Variants in MLLT3 observed in about 807,000 individuals in gnomAD.
The protein encoded by MLLT3 is MLLT3 super elongation complex subunit.
MLLT3 carries 4 observed loss-of-function variants against 53.2 expected under a neutral mutation model. The observed-to-expected ratio is 0.08, with a 90% CI of 0.04 to 0.17. The LOEUF is 0.17. MLLT3 is among the 10% of genes least tolerant of loss of function. The pLI is 1.00. For missense variants in MLLT3, 569 were observed against 684.0 expected (o/e 0.83, Z 1.87); for synonymous variants, 283 against 230.6 (o/e 1.23, Z -2.06).
chr9:20,450,849 G>A (rs993743028), intron 3 of MLLT3, among the ~76,000 whole-genome samples: 1 of 152,148 alleles, frequency 6.6e-6, no homozygotes, highest in Admixed American at 6.6e-5. Context: ...AATTTTAAAA[G>A]GAGGGCAGTT....
At chr9:20,357,606 A>G (rs1821201241) in intron 8 of MLLT3, among the ~76,000 whole-genome samples, 1 of 152,238 alleles carries the variant, frequency 6.6e-6, no homozygotes, top group African/African-American at 2.4e-5. Context: ...GATCTTTCAT[A>G]CTAATGACAG....
intron 5 of MLLT3, among the ~76,000 whole-genome samples, chr9:20,406,509 T>C (rs984666553): frequency 6.6e-6 from 1 of 151,792 alleles, no homozygotes; most frequent in Non-Finnish European, 1.5e-5. Context: ...TAGTTTATCA[T>C]ACTTAAAAAA....
chr9:20,485,665 G>GT (rs1285429756), intron 2 of MLLT3, among the ~76,000 whole-genome samples: 4 of 152,042 alleles, frequency 2.6e-5, no homozygotes, highest in Non-Finnish European at 5.9e-5. Context: ...ACATTGGCAA[G>GT]TTTTTTTAAA....
At chr9:20,398,358 A>G (rs1395799982) in intron 5 of MLLT3, among the ~76,000 whole-genome samples, 1 of 152,144 alleles carries the variant, frequency 6.6e-6, no homozygotes, top group Non-Finnish European at 1.5e-5. Context: ...GATTACAGGC[A>G]TGAGCTACAT....
intron 2 of MLLT3, among the ~76,000 whole-genome samples, chr9:20,605,314 C>A (rs1272383049): frequency 6.6e-6 from 1 of 152,038 alleles, no homozygotes; most frequent in Non-Finnish European, 1.5e-5. Context: ...ATACCTATTC[C>A]TACATTCTTT....
intron 4 of MLLT3, among the ~76,000 whole-genome samples, chr9:20,445,963 A>G (rs1237607273): frequency 6.6e-6 from 1 of 152,210 alleles, no homozygotes; most frequent in African/African-American, 2.4e-5. Flanking sequence ...CATTAATACT[A>G]AGATAAGACA....
intron 5 of MLLT3, among the ~76,000 whole-genome samples, chr9:20,394,862 A>T (rs918801674): frequency 2.6e-5 from 4 of 152,122 alleles, no homozygotes; most frequent in Admixed American, 1.3e-4. Context: ...TCAACTTTTT[A>T]AAATGGGCCC....
chr9:20,365,609 A>C, intron 6 of MLLT3, 60 bp downstream of exon 6: 1 of 1,591,280 alleles, frequency 6.3e-7, no homozygotes, highest in South Asian at 1.1e-5. Context: ...CAGCCTCCCA[A>C]AGTGCCATTA....
In MLLT3 at chr9:20,343,321, T is replaced by C; in HGVS notation, c.*3122A>G. 4.9e-6 allele frequency: 1 copy of C among 205,898 alleles called. No homozygotes were observed. The highest frequency in any genetic ancestry group is 9.9e-6 in the Non-Finnish European group (1 of 101,324). 12.8% of individuals were successfully genotyped at this position (205,898 alleles called of 1,614,324 possible). A position where few individuals can be genotyped will look rare whatever the true frequency, so the allele number is the denominator to read the frequency against. On this transcript the variant is annotated 3_prime_UTR_variant, in exon 11 of 11. Transcript: ENST00000380338. ...TTAAATTGCCTAGCAATTTAAAATGTTTAAGACACTCTCTTAAGAGATATT... is the reference window on the plus strand; with the variant it reads ...TTAAATTGCCTAGCAATTTAAAATGCTTAAGACACTCTCTTAAGAGATATT...
Position 20,346,272 on chromosome 9 carries a change from G to T in MLLT3, c.*171C>A, listed in dbSNP as rs1214829833. 2 of 681,170 alleles carry T rather than the reference G, an allele frequency of 2.9e-6. No individual in the cohort carries two copies. Among genetic ancestry groups the T allele is most frequent in the Non-Finnish European group, 4.5e-6 (2 of 440,756 alleles). The allele number at this position is 681,170 out of a possible 1,614,324, so 42.2% of individuals were successfully genotyped here. A position where few individuals can be genotyped will look rare whatever the true frequency, so the allele number is the denominator to read the frequency against. The stretch of plus-strand genomic sequence containing the variant: ...CTCCTTTATCAAGAGATGATGACTG[G>T]CTTTAAAGAAAAATAAAGCTGAAGG... On this transcript the variant is annotated 3_prime_UTR_variant, in exon 11 of 11. Transcript: ENST00000380338.
At chr9:20,473,078 C>T (rs749567575) in intron 2 of MLLT3, among the ~76,000 whole-genome samples, 1 of 152,056 alleles carries the variant, frequency 6.6e-6, no homozygotes, top group Non-Finnish European at 1.5e-5. Context: ...TGGGGTAGTC[C>T]GTAGCAATCT....
At chr9:20,495,682 T>A (rs1457340382) in intron 2 of MLLT3, among the ~76,000 whole-genome samples, 1 of 152,176 alleles carries the variant, frequency 6.6e-6, no homozygotes, top group Non-Finnish European at 1.5e-5. Flanking sequence ...AACAAAGCAT[T>A]CTTACTAAAG....
At chr9:20,467,680 C>T (rs1206883118) in intron 2 of MLLT3, among the ~76,000 whole-genome samples, 1 of 152,022 alleles carries the variant, frequency 6.6e-6, no homozygotes, top group Non-Finnish European at 1.5e-5. Flanking sequence ...CAAAGGTAAC[C>T]AAATAATGCG....
In MLLT3 at chr9:20,615,480, T is replaced by A. The variant is rs147599458; in HGVS notation, c.193+5174A>T. ...CTTTTCTGAAAACAATTTTGTTAGG[T>A]AATCATTCACCGGAATTTAATGAGG... On this transcript the variant is annotated intron_variant, in intron 2 of 10. Coordinates refer to ENST00000380338, the MANE Select transcript of MLLT3 (RefSeq NM_004529.4). Among the ~76,000 whole-genome samples the A allele has an allele frequency of 2.4e-3, 362 of 150,942 alleles. 2 individuals carry two copies. The highest frequency in any genetic ancestry group is 8.4e-3 in the African/African-American group (345 of 41,160).
chr9:20,509,282 T>C (rs146941437), intron 2 of MLLT3, among the ~76,000 whole-genome samples: 7 of 152,350 alleles, frequency 4.6e-5, no homozygotes, highest in African/African-American at 1.7e-4. Context: ...TCCTTTTTTT[T>C]AAGTATGTTC....
chr9:20,565,447 C>G (rs1310259677), intron 2 of MLLT3, among the ~76,000 whole-genome samples: 1 of 152,006 alleles, frequency 6.6e-6, no homozygotes, highest in Non-Finnish European at 1.5e-5. Flanking sequence ...CCAGTGGACC[C>G]AAGGACCTAA....
chr9:20,393,424 C>T (rs1055570388), intron 5 of MLLT3, among the ~76,000 whole-genome samples: 5 of 152,156 alleles, frequency 3.3e-5, no homozygotes, highest in African/African-American at 1.2e-4. Flanking sequence ...TCACTGGATG[C>T]TGATTGTTGC....
At chr9:20,565,965 TA>T (rs1282606689) in intron 2 of MLLT3, among the ~76,000 whole-genome samples, 39 of 39,066 alleles carry the variant, frequency 1.0e-3, no homozygotes, top group African/African-American at 2.1e-3. Context: ...TATATATATA[TA>T]TTTATATATA....
At chr9:20,566,068 G>GTA (rs1188283187) in intron 2 of MLLT3, among the ~76,000 whole-genome samples, 3 of 60,998 alleles carry the variant, frequency 4.9e-5, no homozygotes, top group Non-Finnish European at 1.2e-4. Context: ...ATATATATTT[G>GTA]TGTATATATA....
Sources: gnomAD v4.1 joint callset for allele counts (sites outside exome capture counted in the v4.1 genomes callset) on GRCh38, gnomAD v4.1.1 for gene constraint, MANE v1.5 for transcripts, NCBI Gene and HGNC (gene_info 2026-07-23, HGNC 2026-07-21) for gene names.